AADACL3: variants seen among roughly 807,000 people sequenced by gnomAD.
AADACL3 encodes the protein arylacetamide deacetylase like 3.
Under a neutral mutation model 13.6 loss-of-function variants are expected in AADACL3, and 13 were observed. The observed-to-expected ratio is 0.95, with a 90% CI of 0.62 to 1.52. The LOEUF is 1.52. AADACL3 is among the 40% of genes most tolerant of loss of function. The pLI is 0.00. For missense variants in AADACL3, 519 were observed against 499.2 expected (o/e 1.04, Z -0.38); for synonymous variants, 195 against 197.0 (o/e 0.99, Z 0.08).
chr1:12,720,586 T>C (rs933361421), intron 2 of AADACL3, among the ~76,000 whole-genome samples: 1 of 152,094 alleles, frequency 6.6e-6, no homozygotes, highest in Non-Finnish European at 1.5e-5. Flanking sequence ...AAAGTTGAGA[T>C]TTGAACTCCA....
rs201236064 is a variant in AADACL3, at chr1:12,719,676, G to T, written c.370G>T (p.Val124Phe). 4 of 1,613,828 alleles carry T rather than the reference G, an allele frequency of 2.5e-6. No individual in the cohort carries two copies. Among genetic ancestry groups the T allele is most frequent in the African/African-American group, 1.3e-5 (1 of 74,894 alleles). ...GIVYYHGGGG[V>F]MGSLKTHHGI... ...CGTGTACTACCACGGTGGCGGGGGC[G>T]TCATGGGGAGTTTGAGTAAGAACCA... Residue 124 changes from valine to phenylalanine, a missense_variant, in exon 2 of 4, where the codon GTC becomes TTC. Physicochemically the swap from Val to Phe is conservative, Grantham distance 50. Transcript: ENST00000359318.
At position 12,728,645 on chromosome 1, in the gene AADACL3, G is replaced by A. The variant is rs1205672281; in HGVS notation, c.*2649G>A. ...TTACATTCATGGGAATGTCTAAATT[G>A]TCGTAATCTTTTTGCTGGTTGATGG... On this transcript the variant is annotated 3_prime_UTR_variant, in exon 4 of 4. Transcript: ENST00000359318. 1.3e-5 allele frequency: 2 copies of A among 152,254 alleles called. No homozygotes were observed. The highest frequency in any genetic ancestry group is 2.9e-5 in the Non-Finnish European group (2 of 68,052). 9.4% of individuals were successfully genotyped at this position (152,254 alleles called of 1,614,324 possible). A position where few individuals can be genotyped will look rare whatever the true frequency, so the allele number is the denominator to read the frequency against.
chr1:12,717,424 A>G (rs1179510366), intron 1 of AADACL3, among the ~76,000 whole-genome samples: 9 of 152,196 alleles, frequency 5.9e-5, no homozygotes. Context: ...GACTCCATGA[A>G]TAACCCTCTC....
rs370058819 is a variant in AADACL3, at chr1:12,721,416, GA to G, written c.449+475del. On this transcript the variant is annotated intron_variant, in intron 3 of 3. Transcript: ENST00000359318. ...TCTTAAAACAAACAAAACAAAACAA[GA>G]AAAAGAGAGTGAAAGAAAAATAAGG... 7.9e-3 allele frequency among the ~76,000 whole-genome samples: 1,198 copies of G among 152,046 alleles called. 5 individuals carry two copies. Among genetic ancestry groups the G allele is most frequent in the Non-Finnish European group, 0.012 (822 of 67,950 alleles).
At chr1:12,720,211 G>C (rs1431756615) in intron 2 of AADACL3, among the ~76,000 whole-genome samples, 1 of 152,176 alleles carries the variant, frequency 6.6e-6, no homozygotes, top group Non-Finnish European at 1.5e-5. Context: ...TACTGTCTTA[G>C]TTATTACCCC....
rs760528333 is a variant in AADACL3 at position 12,725,603 on chromosome 1, C to A, written c.831C>A (p.Val277=). The stretch of plus-strand genomic sequence containing the variant: ...AAGGTGCCCATTTGCCTGCTGAAGT[C>A]TGGGAAAAGTACAGAAAGTGGTTGG... ...IMKGAHLPAE[V]WEKYRKWLGP... is the part of the protein sequence containing the mutation. Residue 277 remains valine (V), a synonymous_variant, in exon 4 of 4, where the codon GTC becomes GTA. Transcript: ENST00000359318. The A allele has an allele frequency of 3.1e-6, 5 of 1,613,998 alleles. No individual in the cohort carries two copies. The highest frequency in any genetic ancestry group is 4.2e-6 in the Non-Finnish European group (5 of 1,180,006).
chr1:12,725,875 C>A lies in AADACL3; in HGVS notation c.1103C>A (p.Thr368Asn). ...KRLEDLGVPV[T>N]WHHMEDGFHG... Reference sequence around the variant, plus strand: ...CTGGAAGACCTGGGAGTGCCCGTGACCTGGCACCATATGGAGGATGGTTTC... The same window carrying A: ...CTGGAAGACCTGGGAGTGCCCGTGAACTGGCACCATATGGAGGATGGTTTC... Residue 368 changes from threonine (T) to asparagine (N), a missense_variant, in exon 4 of 4, where the codon ACC becomes AAC. Physicochemically the swap from Thr to Asn is moderately conservative, Grantham distance 65 (BLOSUM62 0). Transcript: ENST00000359318. The A allele has an allele frequency of 6.2e-7, 1 of 1,614,186 alleles. No individual in the cohort carries two copies. Among genetic ancestry groups the A allele is most frequent in the Non-Finnish European group, 8.5e-7 (1 of 1,180,026 alleles).
Position 12,716,326 on chromosome 1 carries a change from C to T in AADACL3, c.150C>T (p.Phe50=). 1 of 1,614,180 alleles carries T rather than the reference C, an allele frequency of 6.2e-7. No homozygotes were observed. The highest frequency in any genetic ancestry group is 8.5e-7 in the Non-Finnish European group (1 of 1,180,024). ...PVKLRVLHCI[F]QLLLTWGMIF... is the part of the protein sequence containing the mutation. ...AACTGAGAGTCCTCCATTGCATCTTCCAGCTGCTGTTGACTTGGGTGAGTT... is the reference window on the plus strand; with the variant it reads ...AACTGAGAGTCCTCCATTGCATCTTTCAGCTGCTGTTGACTTGGGTGAGTT... The change falls in exon 1 of 4, where the codon TTC becomes TTT. Residue 50 remains phenylalanine, a synonymous_variant. Transcript: ENST00000359318.
At position 12,727,417 on chromosome 1, in the gene AADACL3, A is replaced by G. The variant is rs944871050; in HGVS notation, c.*1421A>G. The G allele has an allele frequency of 6.6e-6, 1 of 152,196 alleles. No homozygotes were observed. Among genetic ancestry groups the G allele is most frequent in the Non-Finnish European group, 1.5e-5 (1 of 68,046 alleles). 9.4% of individuals were successfully genotyped at this position (152,196 alleles called of 1,614,324 possible). On this transcript the variant is annotated 3_prime_UTR_variant, in exon 4 of 4. Transcript: ENST00000359318. ...ATTGAACCCTCAGGCAGGGTACGTG[A>G]AAGTGGCAAGAGATGTCAAGACCAC...
chr1:12,721,662 T>C (rs554443567), intron 3 of AADACL3, among the ~76,000 whole-genome samples: 25 of 152,324 alleles, frequency 1.6e-4, no homozygotes, highest in African/African-American at 5.8e-4. Flanking sequence ...GCTAAATGCC[T>C]GTGGTACCCC....
rs955482633 is a variant in AADACL3, at chr1:12,725,312, T to C, written c.540T>C (p.Tyr180=). 6.2e-6 allele frequency: 10 copies of C among 1,614,096 alleles called. No individual in the cohort carries two copies. The South Asian group carries it at 9.9e-5, about 16-fold the overall frequency. Reference sequence around the variant, plus strand: ...ACTTCCTGAAGTCCCTGGATGCATATGGAGTGGATCCAGCCCGGGTTGTGG... The same window carrying C: ...ACTTCCTGAAGTCCCTGGATGCATACGGAGTGGATCCAGCCCGGGTTGTGG... ...TIHFLKSLDA[Y]GVDPARVVVC... is the part of the protein sequence containing the mutation. The change falls in exon 4 of 4, where the codon TAT becomes TAC. Residue 180 remains tyrosine (Y), a synonymous_variant. Coordinates refer to ENST00000359318, the MANE Select transcript of AADACL3 (RefSeq NM_001103170.3).
Position 12,725,288 on chromosome 1 carries a change from C to T in AADACL3, c.516C>T (p.His172=), listed in dbSNP as rs1366517651. The T allele has an allele frequency of 1.9e-6, 3 of 1,613,894 alleles. No individual in the cohort carries two copies. The highest frequency in any genetic ancestry group is 2.5e-6 in the Non-Finnish European group (3 of 1,179,972). The change falls in exon 4 of 4, where the codon CAC becomes CAT. Residue 172 remains histidine (H), a synonymous_variant. Coordinates refer to ENST00000359318, the MANE Select transcript of AADACL3 (RefSeq NM_001103170.3). The part of the protein sequence containing the change: ...PVRDCLVATI[H]FLKSLDAYGV... ...GAGACTGCTTGGTGGCCACCATCCACTTCCTGAAGTCCCTGGATGCATATG... is the reference window on the plus strand; with the variant it reads ...GAGACTGCTTGGTGGCCACCATCCATTTCCTGAAGTCCCTGGATGCATATG...
At position 12,721,673 on chromosome 1, in the gene AADACL3, G is replaced by A. The variant is rs543418049; in HGVS notation, c.449+727G>A. Among the ~76,000 whole-genome samples the A allele has an allele frequency of 5.3e-5, 8 of 152,282 alleles. No individual in the cohort carries two copies. In the South Asian group the frequency reaches 1.0e-3, roughly 20 times the overall value. On this transcript the variant is annotated intron_variant, in intron 3 of 3. Transcript: ENST00000359318. ...TTCTGCTAAATGCCTGTGGTACCCC[G>A]CACCATCACTCAAACAACCCGAAAT...
chr1:12,725,512 G>A lies in AADACL3; in HGVS notation c.740G>A (p.Ser247Asn), dbSNP rs778164181. ...QRKNIPLLTW[S>N]FICYFFFQNL... ...AAAAACATCCCACTGCTCACCTGGA[G>A]TTTCATCTGCTACTTTTTTTTTCAA... Residue 247 changes from serine (S) to asparagine (N), a missense_variant, in exon 4 of 4, where the codon AGT (serine) becomes AAT (asparagine). Physicochemically the swap from Ser to Asn is conservative, Grantham distance 46. Coordinates refer to ENST00000359318, the MANE Select transcript of AADACL3 (RefSeq NM_001103170.3). 6.2e-7 allele frequency: 1 copy of A among 1,614,140 alleles called. No homozygotes were observed. The highest frequency in any genetic ancestry group is 1.1e-5 in the South Asian group (1 of 91,076).
At position 12,720,403 on chromosome 1, in the gene AADACL3, A is replaced by G. The variant is rs181356606; in HGVS notation, c.386-480A>G. 3.4e-3 allele frequency among the ~76,000 whole-genome samples: 518 copies of G among 152,324 alleles called. 2 individuals carry two copies. The highest frequency in any genetic ancestry group is 0.012 in the African/African-American group (497 of 41,566). On this transcript the variant is annotated intron_variant, in intron 2 of 3. Transcript: ENST00000359318. ...TATTTATTAAGCAATATTCATTAAT[A>G]TTACTAATTACATGCAGGCACTGTG...
Position 12,725,939 on chromosome 1 carries a change from C to G in AADACL3, c.1167C>G (p.His389Gln), listed in dbSNP as rs1285146850. The change falls in exon 4 of 4, where the codon CAC becomes CAG. Residue 389 changes from histidine to glutamine, a missense_variant. Coordinates refer to ENST00000359318, the MANE Select transcript of AADACL3 (RefSeq NM_001103170.3). ...VLRTIDMSFLHFPCSMRILSA... is the reference protein window; with the variant it reads ...VLRTIDMSFLQFPCSMRILSA... The stretch of plus-strand genomic sequence containing the variant: ...GGACCATTGACATGAGCTTCTTGCA[C>G]TTTCCCTGCTCCATGAGAATTCTGA... The G allele has an allele frequency of 3.1e-6, 5 of 1,614,116 alleles. No homozygotes were observed. Among genetic ancestry groups the G allele is most frequent in the Non-Finnish European group, 4.2e-6 (5 of 1,180,014 alleles).
intron 1 of AADACL3, among the ~76,000 whole-genome samples, chr1:12,717,580 A>G (rs1021644989): frequency 1.3e-5 from 2 of 152,188 alleles, no homozygotes; most frequent in Non-Finnish European, 2.9e-5. Flanking sequence ...CTCTAGGGCC[A>G]ATGACAGGTG....
At chr1:12,717,799 GC>G (rs1648472013) in intron 1 of AADACL3, among the ~76,000 whole-genome samples, 1 of 152,152 alleles carries the variant, frequency 6.6e-6, no homozygotes, top group Non-Finnish European at 1.5e-5. Context: ...AGCCCCCGGG[GC>G]CACAGAACAC....
intron 1 of AADACL3, 49 bp downstream of exon 1, chr1:12,716,393 C>A (rs756427903): frequency 3.7e-6 from 6 of 1,612,894 alleles, no homozygotes; most frequent in Non-Finnish European, 5.1e-6. Context: ...TTAAGGAAGG[C>A]GGCAGGAAAA....
Sources: allele counts gnomAD v4.1 joint callset (sites outside exome capture counted in the v4.1 genomes callset), GRCh38; gene constraint gnomAD v4.1.1; transcripts MANE v1.5; gene names NCBI Gene and HGNC (gene_info 2026-07-23, HGNC 2026-07-21).